PCDHA2: variants seen among roughly 807,000 people sequenced by gnomAD.
PCDHA2 encodes the protein protocadherin alpha 2.
Under a neutral mutation model 66.0 loss-of-function variants are expected in PCDHA2, and 58 were observed. That is an observed-to-expected ratio of 0.88 (90% CI 0.71 to 1.09). The LOEUF (loss-of-function observed/expected upper bound fraction) is 1.09. Among genes scored for constraint, PCDHA2 ranks in the 50% least tolerant of loss-of-function variants. The pLI, the probability that PCDHA2 is intolerant of heterozygous loss-of-function variation, is 0.00. For missense variants in PCDHA2, 1,267 were observed against 1,242.3 expected, an observed-to-expected ratio of 1.02 and a Z score of -0.30; for synonymous variants, 634 against 554.0, an observed-to-expected ratio of 1.14 and a Z score of -2.03.
At chr5:140,829,825 C>A in intron 1 of PCDHA2, 1 of 1,613,864 alleles carries the variant, frequency 6.2e-7, no homozygotes, top group African/African-American at 1.3e-5. Context: ...GTGCAGTGAG[C>A]GAGCTGGTGC....
At chr5:140,819,395 A>G (rs1203569047) in intron 1 of PCDHA2, among the ~76,000 whole-genome samples, 1 of 152,136 alleles carries the variant, frequency 6.6e-6, no homozygotes, top group Non-Finnish European at 1.5e-5. Flanking sequence ...GCTTTTAGTG[A>G]ATTAAATGGA....
chr5:140,922,207 T>C (rs1208986922), intron 1 of PCDHA2, among the ~76,000 whole-genome samples: 3 of 152,162 alleles, frequency 2.0e-5, no homozygotes, highest in Non-Finnish European at 2.9e-5. Context: ...AATGAAACTT[T>C]GTAAAACATT....
intron 1 of PCDHA2, chr5:140,967,313 C>T: frequency 6.2e-7 from 1 of 1,611,052 alleles, no homozygotes; most frequent in Non-Finnish European, 8.5e-7. Flanking sequence ...CAACTCAGTA[C>T]AGACCTACGA....
chr5:140,864,013 A>G (rs574478230), intron 1 of PCDHA2: 3 of 153,164 alleles, frequency 2.0e-5, no homozygotes, highest in African/African-American at 4.8e-5. Flanking sequence ...AAAAAAAAGT[A>G]CATTGGAAGT....
At chr5:140,942,422 G>C (rs1445298712) in intron 1 of PCDHA2, among the ~76,000 whole-genome samples, 3 of 150,866 alleles carry the variant, frequency 2.0e-5, no homozygotes, top group Non-Finnish European at 4.4e-5. Context: ...AAAAAAAAAA[G>C]ATATCTAACA....
chr5:140,927,811 G>A, intron 1 of PCDHA2: 1 of 1,614,186 alleles, frequency 6.2e-7, no homozygotes, highest in Non-Finnish European at 8.5e-7. Context: ...AACGCTCTTG[G>A]AGGCATACAT....
intron 3 of PCDHA2, among the ~76,000 whole-genome samples, chr5:141,006,150 G>A (rs1035867146): frequency 1.1e-4 from 16 of 151,274 alleles, no homozygotes; most frequent in Admixed American, 6.6e-5. Flanking sequence ...AAGCAGAGGA[G>A]TGATATAATC....
chr5:140,850,612 C>T (rs1411031639), intron 1 of PCDHA2: 8 of 1,598,454 alleles, frequency 5.0e-6, no homozygotes, highest in Non-Finnish European at 6.8e-6. Context: ...GCCATCTGCG[C>T]GGTGTCTAGC....
chr5:140,945,496 A>G (rs2093798194), intron 1 of PCDHA2, among the ~76,000 whole-genome samples: 1 of 152,142 alleles, frequency 6.6e-6, no homozygotes, highest in South Asian at 2.1e-4. Context: ...TACCCAAAGC[A>G]ATATTGAGCA....
At chr5:140,965,195 T>C (rs1368041910) in intron 1 of PCDHA2, among the ~76,000 whole-genome samples, 3 of 152,198 alleles carry the variant, frequency 2.0e-5, no homozygotes, top group Admixed American at 6.5e-5. Context: ...CATGAGGCAA[T>C]AGATTTCAAA....
At chr5:140,967,560 A>C (rs2096156699) in intron 1 of PCDHA2, 2 of 1,613,966 alleles carry the variant, frequency 1.2e-6, no homozygotes, top group Non-Finnish European at 1.7e-6. Context: ...TATCGCGTCC[A>C]GCTACGGGAG....
chr5:140,968,719 G>C lies in PCDHA2; in HGVS notation c.2389-10230G>C. The C allele has an allele frequency of 1.9e-6, 3 of 1,614,148 alleles. No homozygotes were observed. Among genetic ancestry groups the C allele is most frequent in the African/African-American group, 1.3e-5 (1 of 75,038 alleles). ...GGACTACCAGGAAGATGGGAGATGA[G>C]AGTGGTAGCACTTTCAACCTGACCG... On this transcript the variant is annotated intron_variant, in intron 1 of 3. Transcript: ENST00000526136.
intron 1 of PCDHA2, among the ~76,000 whole-genome samples, chr5:140,886,842 A>AAG (rs2061180057): frequency 6.6e-6 from 1 of 151,638 alleles, no homozygotes; most frequent in African/African-American, 2.4e-5. Context: ...AAAAAAAAAA[A>AAG]AAAAAGAAAG....
chr5:140,998,743 T>A (rs2097832293), intron 3 of PCDHA2, among the ~76,000 whole-genome samples: 1 of 152,138 alleles, frequency 6.6e-6, no homozygotes, highest in Non-Finnish European at 1.5e-5. Flanking sequence ...TTTGTATTTT[T>A]AGAAGAGACA....
Position 140,853,387 on chromosome 5 carries a change from C to T in PCDHA2, c.2388+56035C>T, listed in dbSNP as rs2150531459. 3.0e-6 allele frequency: 3 copies of T among 985,448 alleles called. No homozygotes were observed. In the Admixed American group the frequency reaches 1.9e-4, roughly 62 times the overall value. The allele number at this position is 985,448 out of a possible 1,614,324, so 61.0% of individuals were successfully genotyped here. ...CCAGAGATGGTAAAATTCAAAACAGCCTGTCAAGTTCAAAACAGAGAGGTG... is the reference window on the plus strand; with the variant it reads ...CCAGAGATGGTAAAATTCAAAACAGTCTGTCAAGTTCAAAACAGAGAGGTG... On this transcript the variant is annotated intron_variant, in intron 1 of 3. Coordinates refer to ENST00000526136, the MANE Select transcript of PCDHA2 (RefSeq NM_018905.3).
chr5:141,001,825 CAG>C (rs1244261427), intron 3 of PCDHA2, among the ~76,000 whole-genome samples: 1 of 151,674 alleles, frequency 6.6e-6, no homozygotes, highest in Non-Finnish European at 1.5e-5. Flanking sequence ...CAAATTCTGA[CAG>C]AGAGGGAGAC....
intron 1 of PCDHA2, among the ~76,000 whole-genome samples, chr5:140,921,218 T>G (rs1554200138): frequency 6.6e-6 from 1 of 152,126 alleles, no homozygotes; most frequent in African/African-American, 2.4e-5. Context: ...TTCACGTCTT[T>G]TTTGCTAGAT....
intron 1 of PCDHA2, chr5:140,967,726 TG>T: frequency 6.2e-7 from 1 of 1,613,974 alleles, no homozygotes; most frequent in Non-Finnish European, 8.5e-7. Flanking sequence ...TGCGAGTAAT[TG>T]GGGGGCTGGA....
intron 1 of PCDHA2, chr5:140,857,941 T>C (rs1294613928): frequency 6.3e-7 from 1 of 1,597,330 alleles, no homozygotes; most frequent in Non-Finnish European, 8.6e-7. Flanking sequence ...GCGAGATCAG[T>C]ACGACGCGCG....
Sources: allele counts gnomAD v4.1 joint callset (sites outside exome capture counted in the v4.1 genomes callset), GRCh38; gene constraint gnomAD v4.1.1; transcripts MANE v1.5; gene names NCBI Gene and HGNC (gene_info 2026-07-23, HGNC 2026-07-21).